The following FBXW4 variants were observed in gnomAD, a reference collection of about 807,000 sequenced individuals.
FBXW4 encodes F-box and WD repeat domain containing 4.
A neutral mutation model predicts 61.8 loss-of-function variants in FBXW4; 40 were observed. The ratio of observed to expected loss-of-function variants is 0.65; its 90% confidence interval spans 0.50 to 0.84. The LOEUF is 0.84. Ranked by LOEUF, FBXW4 falls within the 40% of genes least tolerant of loss-of-function variation. FBXW4 has a pLI of 0.00. For missense variants in FBXW4, 672 were observed against 753.8 expected (o/e 0.89, Z 1.27); for synonymous variants, 311 against 313.8 (o/e 0.99, Z 0.10).
chr10:101,656,133 C>T (rs2064183474), intron 5 of FBXW4, among the ~76,000 whole-genome samples: 1 of 152,224 alleles, frequency 6.6e-6, no homozygotes, highest in Non-Finnish European at 1.5e-5. Flanking sequence ...GGTATATTTA[C>T]ACTGGAAAAG....
chr10:101,647,918 A>G (rs901763837), intron 5 of FBXW4, among the ~76,000 whole-genome samples: 5 of 152,156 alleles, frequency 3.3e-5, no homozygotes, highest in Middle Eastern at 3.2e-3. Flanking sequence ...ATATTCTGCT[A>G]TCCCTCTGTG....
chr10:101,643,853 G>A (rs957221160), intron 5 of FBXW4, among the ~76,000 whole-genome samples: 1 of 151,946 alleles, frequency 6.6e-6, no homozygotes, highest in African/African-American at 2.4e-5. Context: ...GTAGGGAAGT[G>A]GGGGGGCCCA....
intron 5 of FBXW4, among the ~76,000 whole-genome samples, chr10:101,643,227 C>T (rs1272346262): frequency 2.0e-5 from 3 of 152,246 alleles, no homozygotes; most frequent in African/African-American, 7.2e-5. Context: ...ATCTACCCTT[C>T]AATTCCCCAC....
intron 6 of FBXW4, among the ~76,000 whole-genome samples, chr10:101,615,024 C>T (rs1408472461): frequency 3.4e-5 from 5 of 148,992 alleles, no homozygotes; most frequent in African/African-American, 1.2e-4. Context: ...CTGTCTGTCT[C>T]CTCATCCCCT....
At chr10:101,622,000 C>T (rs1249507078) in intron 6 of FBXW4, among the ~76,000 whole-genome samples, 4 of 152,010 alleles carry the variant, frequency 2.6e-5, no homozygotes, top group African/African-American at 4.8e-5. Flanking sequence ...TACCAAAAGA[C>T]GGAATGGTTG....
chr10:101,682,548 C>T (rs2064489386), intron 1 of FBXW4, among the ~76,000 whole-genome samples: 1 of 151,936 alleles, frequency 6.6e-6, no homozygotes, highest in African/African-American at 2.4e-5. Context: ...GGTGATGAAA[C>T]TAAAAAGGGA....
chr10:101,671,180 T>G (rs2064355504), intron 4 of FBXW4, among the ~76,000 whole-genome samples: 2 of 152,122 alleles, frequency 1.3e-5, no homozygotes, highest in African/African-American at 4.8e-5. Context: ...GGTGGCTGGA[T>G]GCAAAGACAA....
intron 1 of FBXW4, among the ~76,000 whole-genome samples, chr10:101,682,169 T>A (rs889369132): frequency 2.6e-5 from 4 of 152,266 alleles, no homozygotes; most frequent in Non-Finnish European, 5.9e-5. Flanking sequence ...TCATTCGTTT[T>A]TCTTCTAATT....
intron 6 of FBXW4, among the ~76,000 whole-genome samples, chr10:101,619,903 T>G (rs1407032374): frequency 6.6e-6 from 1 of 152,192 alleles, no homozygotes; most frequent in Non-Finnish European, 1.5e-5. Context: ...GCATTGGCTG[T>G]CTGAGGGTGA....
chr10:101,683,117 C>T (rs1167956376), intron 1 of FBXW4, among the ~76,000 whole-genome samples: 1 of 152,202 alleles, frequency 6.6e-6, no homozygotes, highest in Non-Finnish European at 1.5e-5. Flanking sequence ...AACAAGGCAG[C>T]AGAAGAAAAG....
At chr10:101,622,019 A>G (rs1313788585) in intron 6 of FBXW4, among the ~76,000 whole-genome samples, 1 of 152,186 alleles carries the variant, frequency 6.6e-6, no homozygotes, top group Non-Finnish European at 1.5e-5. Context: ...TGTTTGGGGA[A>G]GTAGGGAGTT....
chr10:101,611,357 G>A lies in FBXW4; in HGVS notation c.1638C>T (p.Leu546=). The change falls in exon 9 of 9, where the codon CTC becomes CTT. Residue 546 remains leucine, a synonymous_variant. Transcript: ENST00000331272. The surrounding 1 kb of genome is among the most constrained non-coding windows in gnomAD (Gnocchi z 4.9). The part of the protein sequence containing the change: ...PLSSPVYCLR[L]TTKHLYAALS... ...GGGCAGCATAGAGATGCTTGGTGGT[G>A]AGACGCAGGCAGTACACAGGGCTGC... 1 of 1,614,190 alleles carries A rather than the reference G, an allele frequency of 6.2e-7. No homozygotes were observed. Among genetic ancestry groups the A allele is most frequent in the Middle Eastern group, 1.6e-4 (1 of 6,062 alleles).
intron 5 of FBXW4, among the ~76,000 whole-genome samples, chr10:101,655,002 G>C (rs2064174112): frequency 6.6e-6 from 1 of 151,970 alleles, no homozygotes; most frequent in South Asian, 2.1e-4. Flanking sequence ...TTTGTTTTTA[G>C]ATTTTTTTGT....
chr10:101,650,599 G>A (rs538648686), intron 5 of FBXW4, among the ~76,000 whole-genome samples: 5 of 152,312 alleles, frequency 3.3e-5, no homozygotes, highest in South Asian at 4.1e-4. Context: ...GTGTGTGCTC[G>A]AGCATCCCAA....
chr10:101,649,363 CCCCA>C (rs937482337), intron 5 of FBXW4, among the ~76,000 whole-genome samples: 33 of 152,296 alleles, frequency 2.2e-4, no homozygotes, highest in African/African-American at 7.7e-4. Context: ...CTCTGACATG[CCCCA>C]CCCACCATTA....
intron 1 of FBXW4, 185 bp from the exon 2 acceptor site, chr10:101,676,621 C>G (rs2064411432): frequency 3.8e-6 from 1 of 262,500 alleles, no homozygotes; most frequent in East Asian, 8.4e-5. Flanking sequence ...AAAGCCTGTC[C>G]TTTAAACTAT....
intron 5 of FBXW4, among the ~76,000 whole-genome samples, chr10:101,660,858 A>G: frequency 6.6e-6 from 1 of 152,162 alleles, no homozygotes; most frequent in East Asian, 1.9e-4. Context: ...CTGAGAACTT[A>G]CCACACTCTA....
chr10:101,620,066 G>A (rs764859775), intron 6 of FBXW4, among the ~76,000 whole-genome samples: 1 of 152,130 alleles, frequency 6.6e-6, no homozygotes, highest in Non-Finnish European at 1.5e-5. Flanking sequence ...AGTACTCCCC[G>A]CTCTCTGCCC....
intron 6 of FBXW4, among the ~76,000 whole-genome samples, chr10:101,616,067 T>C (rs1293815519): frequency 6.6e-6 from 1 of 152,178 alleles, no homozygotes; most frequent in African/African-American, 2.4e-5. Flanking sequence ...CAGAGACCTA[T>C]GCTCTGGAGA....
Sources: gnomAD v4.1 joint callset for allele counts (sites outside exome capture counted in the v4.1 genomes callset) on GRCh38, gnomAD v4.1.1 for gene constraint, Gnocchi (gnomAD v3.1) non-coding constraint, MANE v1.5 for transcripts, NCBI Gene and HGNC (gene_info 2026-07-23, HGNC 2026-07-21) for gene names.